FATE1: variants seen among roughly 807,000 people sequenced by gnomAD.
FATE1 encodes the protein fetal and adult testis-expressed transcript protein.
A neutral mutation model predicts 16.0 loss-of-function variants in FATE1; 18 were observed. That is an observed-to-expected ratio of 1.12 (90% CI 0.78 to 1.66). The LOEUF is 1.66. Ranked by LOEUF, FATE1 falls within the 40% of genes most tolerant of loss-of-function variation. The pLI, the probability that FATE1 is intolerant of heterozygous loss-of-function variation, is 0.00. For synonymous variants in FATE1, 76 were observed against 56.9 expected, an observed-to-expected ratio of 1.34 and a Z score of -1.51; for missense variants, 169 against 152.7, an observed-to-expected ratio of 1.11 and a Z score of -0.56.
intron 1 of FATE1, 67 bp downstream of exon 1, chrX:151,716,292 T>C: frequency 6.5e-6 from 6 of 927,343 alleles, no homozygotes; most frequent in Non-Finnish European, 9.0e-6. Flanking sequence ...TACCTGTGCA[T>C]GTGTGTGTTG....
intron 2 of FATE1, among the ~76,000 whole-genome samples, chrX:151,719,300 A>T (rs938040116): frequency 8.9e-6 from 1 of 112,173 alleles, no homozygotes; most frequent in Non-Finnish European, 1.9e-5. Flanking sequence ...AAAAGTTAAT[A>T]ATGCTATCCT....
At chrX:151,718,110 G>GAGGAAGGAAGGAAGGAAGGAAGGA (rs199990618) in intron 2 of FATE1, among the ~76,000 whole-genome samples, 16 of 55,567 alleles carry the variant, frequency 2.9e-4, no homozygotes, top group Non-Finnish European at 4.8e-4. Flanking sequence ...AAGAGAGAGA[G>GAGGAAGGAAGGAAGGAAGGAAGGA]AGGAAGGAAG....
rs1408452129 is a variant in FATE1 at position 151,722,545 on chromosome X, A to G, written c.421-83A>G. ...GGGCAATCAAGCCCCTTCTTGCTCT[A>G]ACTTTATGCTTTTCCCATGGCTGTG... On this transcript the variant is annotated intron_variant, in intron 4 of 4. Coordinates refer to ENST00000370350, the MANE Select transcript of FATE1 (RefSeq NM_033085.3). The G allele has an allele frequency of 9.3e-6, 11 of 1,180,815 alleles. No individual in the cohort carries two copies. The African/African-American group carries it at 1.9e-4, about 21-fold the overall frequency.
intron 2 of FATE1, 41 bp downstream of exon 2, chrX:151,717,440 G>A (rs1451447304): frequency 1.7e-6 from 2 of 1,175,218 alleles, no homozygotes; most frequent in South Asian, 3.6e-5. Context: ...CCAGGTTGGG[G>A]TTGGGAGTAC....
intron 2 of FATE1, among the ~76,000 whole-genome samples, chrX:151,718,954 G>A (rs191088563): frequency 5.6e-3 from 627 of 111,766 alleles, no homozygotes; most frequent in Non-Finnish European, 9.9e-3. Context: ...GGTTTCCTGG[G>A]AATAAAAATA....
chrX:151,721,546 C>G, intron 3 of FATE1, 45 bp downstream of exon 3: 2 of 1,102,017 alleles, frequency 1.8e-6, no homozygotes, highest in East Asian at 3.0e-5. Flanking sequence ...AGACAGGGCC[C>G]GGAGTGGGGC....
At chrX:151,721,628 G>T in intron 3 of FATE1, 127 bp downstream of exon 3, 1 of 611,389 alleles carries the variant, frequency 1.6e-6, no homozygotes, top group South Asian at 2.7e-5. Flanking sequence ...CAGAGACCAT[G>T]AGTACCCTGG....
chrX:151,722,074 T>A (rs1340058587), intron 4 of FATE1, 93 bp downstream of exon 4: 1 of 806,465 alleles, frequency 1.2e-6, no homozygotes, highest in East Asian at 3.2e-5. Context: ...TCCCTTACAG[T>A]CATCTTTCCC....
chrX:151,719,124 T>G (rs973078150), intron 2 of FATE1, among the ~76,000 whole-genome samples: 4 of 111,968 alleles, frequency 3.6e-5, no homozygotes, highest in Non-Finnish European at 3.8e-5. Flanking sequence ...GTAGACTGTT[T>G]GAAAATATAG....
At chrX:151,718,241 GAGAA>G (rs1289251937) in intron 2 of FATE1, among the ~76,000 whole-genome samples, 145 of 98,803 alleles carry the variant, frequency 1.5e-3, no homozygotes, top group South Asian at 0.014. Context: ...GAAAGAAAGA[GAGAA>G]AGAAAGAAAG....
At position 151,722,609 on chromosome X, in the gene FATE1, G is replaced by T; in HGVS notation, c.421-19G>T. On this transcript the variant is annotated intron_variant, in intron 4 of 4. Coordinates refer to ENST00000370350, the MANE Select transcript of FATE1 (RefSeq NM_033085.3). ...GAGAAGAGCCTCGCTCAGCAGCCCT[G>T]CCTTTGACTCCTCTGCAGCTGTATG... is the stretch of plus-strand genomic sequence containing the variant. 8.3e-7 allele frequency: 1 copy of T among 1,212,022 alleles called. No individual in the cohort carries two copies. Among genetic ancestry groups the T allele is most frequent in the Non-Finnish European group, 1.1e-6 (1 of 895,452 alleles).
At chrX:151,718,170 A>AAGGG (rs1491248623) in intron 2 of FATE1, among the ~76,000 whole-genome samples, 24 of 80,195 alleles carry the variant, frequency 3.0e-4, no homozygotes, top group African/African-American at 1.1e-3. Context: ...GGAAGGAAGG[A>AAGGG]AGGGGAAAAG....
rs762922033 is a variant in FATE1 at position 151,723,121 on chromosome X, C to T, written c.*362C>T. The T allele has an allele frequency of 2.3e-5, 4 of 175,348 alleles. No individual in the cohort carries two copies. Among genetic ancestry groups the T allele is most frequent in the Non-Finnish European group, 4.3e-5 (4 of 93,590 alleles). The allele number at this position is 175,348 out of a possible 1,213,427, so 14.5% of individuals were successfully genotyped here. A position where few individuals can be genotyped will look rare whatever the true frequency, so the allele number is the denominator to read the frequency against. Reference sequence around the variant, plus strand: ...GGGGTGTGGCTTTGTTTTCCTCCCTCGTTTGCTTCCACCTCGTGCACAGCG... The same window carrying T: ...GGGGTGTGGCTTTGTTTTCCTCCCTTGTTTGCTTCCACCTCGTGCACAGCG... On this transcript the variant is annotated 3_prime_UTR_variant, in exon 5 of 5. Coordinates refer to ENST00000370350, the MANE Select transcript of FATE1 (RefSeq NM_033085.3).
chrX:151,718,963 T>TAAG (rs1290110642), intron 2 of FATE1, among the ~76,000 whole-genome samples: 1 of 111,668 alleles, frequency 9.0e-6, no homozygotes, highest in African/African-American at 3.3e-5. Context: ...GGAATAAAAA[T>TAAG]AAGTCAAATA....
At chrX:151,718,177 A>AGGGGAC in intron 2 of FATE1, among the ~76,000 whole-genome samples, 1 of 98,062 alleles carries the variant, frequency 1.0e-5, no homozygotes. Context: ...AGGAAGGGGA[A>AGGGGAC]AAGAAAGGAA....
At chrX:151,718,229 A>G (rs1348491899) in intron 2 of FATE1, among the ~76,000 whole-genome samples, 1 of 110,663 alleles carries the variant, frequency 9.0e-6, no homozygotes, top group Non-Finnish European at 1.9e-5. Flanking sequence ...GAAAGAAAGA[A>G]AGAAAGAAAG....
chrX:151,717,426 G>A (rs1343869467), intron 2 of FATE1, 27 bp downstream of exon 2: 1 of 1,186,685 alleles, frequency 8.4e-7, no homozygotes, highest in East Asian at 3.1e-5. Context: ...TCAGCACTTG[G>A]TGGCCAGGTT....
At chrX:151,720,735 C>T (rs2015108075) in intron 2 of FATE1, among the ~76,000 whole-genome samples, 1 of 112,097 alleles carries the variant, frequency 8.9e-6, no homozygotes, top group Non-Finnish European at 1.9e-5. Flanking sequence ...AACATTTCAT[C>T]TTGAACTGGA....
chrX:151,719,556 T>C (rs1010049154), intron 2 of FATE1, among the ~76,000 whole-genome samples: 6 of 112,377 alleles, frequency 5.3e-5, no homozygotes, highest in African/African-American at 1.6e-4. Flanking sequence ...TGAAAATTTT[T>C]CTAAGAGACA....
Sources: allele counts gnomAD v4.1 joint callset (sites outside exome capture counted in the v4.1 genomes callset), GRCh38; gene constraint gnomAD v4.1.1; transcripts MANE v1.5; gene names NCBI Gene and HGNC (gene_info 2026-07-23, HGNC 2026-07-21).